PMM2: variants seen among roughly 807,000 people sequenced by gnomAD.
The protein encoded by PMM2 is mannose-6-phosphate isomerase.
PMM2 carries 35 observed loss-of-function variants against 33.2 expected under a neutral mutation model. The ratio of observed to expected loss-of-function variants is 1.06; its 90% CI spans 0.81 to 1.40. The LOEUF (loss-of-function observed/expected upper bound fraction) is 1.40, where lower values mean the gene tolerates loss of function less well. Ranked by LOEUF, PMM2 falls within the 40% of genes most tolerant of loss-of-function variation. PMM2 has a pLI of 0.00. For missense variants in PMM2, 386 were observed against 306.0 expected (o/e 1.26, Z -1.95); for synonymous variants, 153 against 114.7 (o/e 1.33, Z -2.13).
chr16:8,837,368 AAAT>A (rs1167564454), intron 7 of PMM2, among the ~76,000 whole-genome samples: 1 of 152,020 alleles, frequency 6.6e-6, no homozygotes, highest in Non-Finnish European at 1.5e-5. Context: ...TTGCAGAAGA[AAAT>A]AAGGCATTTA....
At chr16:8,808,718 G>A (rs2060660236) in intron 4 of PMM2, 1 of 152,196 alleles carries the variant, frequency 6.6e-6, no homozygotes, top group South Asian at 2.1e-4. Context: ...CTTGAGTGGG[G>A]GGGCATTAAT....
rs563253149 is a variant in PMM2, at chr16:8,823,527, T to C, written c.639+10421T>C. Among the ~76,000 whole-genome samples the C allele has an allele frequency of 3.9e-5, 6 of 152,232 alleles. No homozygotes were observed. In the South Asian group the frequency reaches 1.2e-3, roughly 32 times the overall value. On this transcript the variant is annotated intron_variant, in intron 7 of 7. Transcript: ENST00000268261. ...ACAAGTTTACTTGCAAAATAAGTCA[T>C]AGTCTTATTAAGCTTGGCCTGATTA...
chr16:8,799,392 C>T (rs986624634), intron 1 of PMM2, among the ~76,000 whole-genome samples: 5 of 152,192 alleles, frequency 3.3e-5, no homozygotes, highest in Admixed American at 2.0e-4. Flanking sequence ...CTAACCTCCT[C>T]AGTTTCACAC....
At chr16:8,842,218 A>C (rs1205613245) in intron 7 of PMM2, 1 of 152,220 alleles carries the variant, frequency 6.6e-6, no homozygotes, top group African/African-American at 2.4e-5. Flanking sequence ...TTTTTATGAG[A>C]ATTATGCCGA....
intron 7 of PMM2, among the ~76,000 whole-genome samples, chr16:8,819,080 G>A (rs963189172): frequency 3.3e-5 from 5 of 152,206 alleles, no homozygotes; most frequent in African/African-American, 1.2e-4. Context: ...TCAAGCAGCT[G>A]GTTTGGTTTT....
intron 7 of PMM2, among the ~76,000 whole-genome samples, chr16:8,825,790 C>T (rs2060764401): frequency 7.6e-6 from 1 of 131,558 alleles, no homozygotes. Context: ...GAGTCTTGCT[C>T]CATTGCCCAG....
intron 7 of PMM2, among the ~76,000 whole-genome samples, chr16:8,835,950 AG>A (rs1310333510): frequency 1.3e-5 from 2 of 151,694 alleles, no homozygotes; most frequent in African/African-American, 4.8e-5. Flanking sequence ...GCTGTAGTTC[AG>A]GAATACTCAG....
chr16:8,825,757 T>TA (rs1219705711), intron 7 of PMM2, among the ~76,000 whole-genome samples: 1 of 5,250 alleles, frequency 1.9e-4, no homozygotes, highest in Admixed American at 8.5e-4. Context: ...TAAAACACTA[T>TA]TTTTTTTTTT....
rs1243978678 is a variant in PMM2, at chr16:8,848,063, C to T, written c.*238C>T. On this transcript the variant is annotated 3_prime_UTR_variant, in exon 8 of 8. Transcript: ENST00000268261. ...TGCCTCGCACAAAAGGTCTTCCCCA[C>T]CCACCCCCAGCCCCCTAGTCTAATA... is the stretch of plus-strand genomic sequence containing the variant. 5 of 536,132 alleles carry T rather than the reference C, an allele frequency of 9.3e-6. No homozygotes were observed. Among genetic ancestry groups the T allele is most frequent in the Non-Finnish European group, 1.7e-5 (5 of 295,572 alleles). The allele number at this position is 536,132 out of a possible 1,614,324, so 33.2% of individuals were successfully genotyped here. A position where few individuals can be genotyped will look rare whatever the true frequency, so the allele number is the denominator to read the frequency against.
At chr16:8,845,066 T>C (rs2060916295) in intron 7 of PMM2, among the ~76,000 whole-genome samples, 1 of 152,172 alleles carries the variant, frequency 6.6e-6, no homozygotes, top group South Asian at 2.1e-4. Flanking sequence ...CAAACAGGCT[T>C]TGTGTGAGCA....
intron 7 of PMM2, among the ~76,000 whole-genome samples, chr16:8,817,905 GAT>G (rs1491142855): frequency 5.4e-5 from 4 of 74,070 alleles, no homozygotes; most frequent in Non-Finnish European, 1.1e-4. Context: ...TTGCAAAGAA[GAT>G]TTTTTTTTTT....
At chr16:8,830,703 A>C (rs926074330) in intron 7 of PMM2, among the ~76,000 whole-genome samples, 1 of 152,242 alleles carries the variant, frequency 6.6e-6, no homozygotes, top group Non-Finnish European at 1.5e-5. Flanking sequence ...GGGGAGGTTC[A>C]GACTCTTGCA....
intron 1 of PMM2, among the ~76,000 whole-genome samples, chr16:8,800,950 C>G (rs151234979): frequency 3.3e-5 from 5 of 152,142 alleles, no homozygotes; most frequent in Non-Finnish European, 7.4e-5. Context: ...CCTAAAGTGC[C>G]GGGATTACAG....
chr16:8,840,849 G>T (rs1294443873), intron 7 of PMM2, among the ~76,000 whole-genome samples: 1 of 151,934 alleles, frequency 6.6e-6, no homozygotes, highest in Non-Finnish European at 1.5e-5. Flanking sequence ...GTCCAGCTAG[G>T]GTGTCTTCAT....
rs1567156563 is a variant in PMM2, at chr16:8,801,841, CAGA to C, written c.113_115del (p.Lys38del). On this transcript the variant is annotated inframe_deletion, in exon 2 of 8. Coordinates refer to ENST00000268261, the MANE Select transcript of PMM2 (RefSeq NM_000303.3). ...GGATGACTTCCTACAAAAATTGAGGCAGAAGATCAAAATCGGAGTGGTAGGCGG... is the reference window on the plus strand; with the variant it reads ...GGATGACTTCCTACAAAAATTGAGGCAGATCAAAATCGGAGTGGTAGGCGG... 6.2e-7 allele frequency: 1 copy of C among 1,612,054 alleles called. No homozygotes were observed. Among genetic ancestry groups the C allele is most frequent in the South Asian group, 1.1e-5 (1 of 90,968 alleles).
chr16:8,804,655 C>A, intron 2 of PMM2, 112 bp from the exon 3 acceptor site: 1 of 761,618 alleles, frequency 1.3e-6, no homozygotes, highest in Non-Finnish European at 2.4e-6. Flanking sequence ...GATAGTCTTT[C>A]ACAGTCCTTG....
chr16:8,832,530 G>C (rs917902051), intron 7 of PMM2: 1 of 985,308 alleles, frequency 1.0e-6, no homozygotes, highest in Non-Finnish European at 1.2e-6. Flanking sequence ...TGCAGGGAAG[G>C]GCAGGCCTAG....
chr16:8,834,863 T>C (rs551636943), intron 7 of PMM2, among the ~76,000 whole-genome samples: 3 of 151,964 alleles, frequency 2.0e-5, no homozygotes, highest in East Asian at 3.9e-4. Context: ...ATCAGAGAGA[T>C]ACAGTCATGG....
chr16:8,834,891 A>G (rs760816073), intron 7 of PMM2, among the ~76,000 whole-genome samples: 420 of 152,234 alleles, frequency 2.8e-3, no homozygotes, highest in Non-Finnish European at 4.3e-3. Context: ...GTGTGGTATC[A>G]GGAATAATGT....
Sources: allele counts gnomAD v4.1 joint callset (sites outside exome capture counted in the v4.1 genomes callset), GRCh38; gene constraint gnomAD v4.1.1; transcripts MANE v1.5; gene names NCBI Gene and HGNC (gene_info 2026-07-23, HGNC 2026-07-21).